Variants in SNAP23 observed in about 807,000 individuals in gnomAD.
SNAP23 encodes the protein synaptosome associated protein 23.
In SNAP23, 11 loss-of-function variants were observed where a neutral mutation model predicts 29.0. The observed-to-expected ratio is 0.38, with a 90% CI of 0.24 to 0.63. The LOEUF is 0.63. Ranked by LOEUF, SNAP23 falls within the 20% of genes least tolerant of loss-of-function variation. The pLI is 0.58. For synonymous variants in SNAP23, 60 were observed against 82.9 expected (o/e 0.72, Z 1.50); for missense variants, 220 against 253.9 (o/e 0.87, Z 0.91).
chr15:42,511,057 A>G (rs1169957653), intron 1 of SNAP23, among the ~76,000 whole-genome samples: 4 of 152,250 alleles, frequency 2.6e-5, no homozygotes, highest in East Asian at 1.9e-4. Flanking sequence ...CCGTTGCACA[A>G]TGCTTGTTAT....
rs34810333 is a variant in SNAP23, at chr15:42,512,969, G to A, written c.72G>A (p.Thr24=). ...HQITDESLES[T]RRILGLAIES... ...TTCTTTCCTAGTCTCTGGAAAGTAC[G>A]AGGAGAATCCTGGGTTTAGCCATTG... is the stretch of plus-strand genomic sequence containing the variant. Residue 24 remains threonine, a synonymous_variant, in exon 3 of 8, where the codon ACG becomes ACA. Coordinates refer to ENST00000249647, the MANE Select transcript of SNAP23 (RefSeq NM_003825.4). 3.7e-5 allele frequency: 59 copies of A among 1,611,750 alleles called. No individual in the cohort carries two copies. The African/African-American group carries it at 7.1e-4, about 19-fold the overall frequency.
Position 42,525,451 on chromosome 15 carries a change from CTTTTTTTTTTTTTTTT to C in SNAP23, c.267-2796_267-2781del, listed in dbSNP as rs1158969519. Among the ~76,000 whole-genome samples the C allele has an allele frequency of 2.3e-4, 11 of 47,194 alleles. No individual in the cohort carries two copies. In the East Asian group the frequency reaches 2.8e-3, roughly 12 times the overall value. The allele number at this position is 47,194 out of a possible 152,430, so 31.0% of individuals were successfully genotyped here. A position where few individuals can be genotyped will look rare whatever the true frequency, so the allele number is the denominator to read the frequency against. ...AGAACATCTTCAAAGATCCAGTCTT[CTTTTTTTTTTTTTTTT>C]TTTTTTTTTTTTTTGAGACGGAGTC... is the stretch of plus-strand genomic sequence containing the variant. On this transcript the variant is annotated intron_variant, in intron 5 of 7. Coordinates refer to ENST00000249647, the MANE Select transcript of SNAP23 (RefSeq NM_003825.4).
At chr15:42,527,204 C>G (rs1190068382) in intron 5 of SNAP23, among the ~76,000 whole-genome samples, 1 of 152,056 alleles carries the variant, frequency 6.6e-6, no homozygotes, top group Non-Finnish European at 1.5e-5. Flanking sequence ...TTATGAATGA[C>G]CGCTTGTGTG....
At position 42,528,308 on chromosome 15, in the gene SNAP23, G is replaced by C; in HGVS notation, c.313G>C (p.Asp105His). ...SGKAYKTTWGDGGENSPCNVV... is the reference protein window; with the variant it reads ...SGKAYKTTWGHGGENSPCNVV... ...CAAGGCTTATAAGACAACATGGGGA[G>C]ATGGTGGAGAAAACTCACCTTGCAA... is the stretch of plus-strand genomic sequence containing the variant. Residue 105 changes from aspartate (D) to histidine (H), a missense_variant, in exon 6 of 8, where the codon GAT (aspartate) becomes CAT (histidine). Coordinates refer to ENST00000249647, the MANE Select transcript of SNAP23 (RefSeq NM_003825.4). 1 of 1,614,122 alleles carries C rather than the reference G, an allele frequency of 6.2e-7. No individual in the cohort carries two copies. Among genetic ancestry groups the C allele is most frequent in the Non-Finnish European group, 8.5e-7 (1 of 1,180,004 alleles).
intron 1 of SNAP23, among the ~76,000 whole-genome samples, chr15:42,501,592 G>T (rs1228220936): frequency 1.3e-5 from 2 of 151,922 alleles, no homozygotes; most frequent in South Asian, 4.2e-4. Flanking sequence ...TTAATTTTGT[G>T]TAGAGATGGG....
chr15:42,513,332 GT>G, intron 3 of SNAP23, 66 bp from the exon 4 acceptor site: 2 of 1,378,608 alleles, frequency 1.5e-6, no homozygotes, highest in Non-Finnish European at 2.1e-6. Context: ...TGTTGCTCTT[GT>G]AGGTTTTGTT....
intron 5 of SNAP23, among the ~76,000 whole-genome samples, chr15:42,520,894 A>G (rs1311081796): frequency 1.3e-5 from 2 of 152,248 alleles, no homozygotes; most frequent in Non-Finnish European, 2.9e-5. Flanking sequence ...TTTCTGGACC[A>G]CTTACTAGAG....
chr15:42,514,860 C>A (rs1010073219), intron 4 of SNAP23, among the ~76,000 whole-genome samples: 2 of 152,012 alleles, frequency 1.3e-5, no homozygotes, highest in Non-Finnish European at 2.9e-5. Context: ...CATCACCACA[C>A]CCAGCTAATT....
chr15:42,491,689 C>G (rs2057165345), upstream of SNAP23: 3 of 152,146 alleles, frequency 2.0e-5, no homozygotes, highest in Non-Finnish European at 4.4e-5. Context: ...TGAATGCTGC[C>G]TATCACAGAG....
At chr15:42,495,313 G>A (rs2057207382), upstream of SNAP23, 1 of 152,180 alleles carries the variant, frequency 6.6e-6, no homozygotes, top group Admixed American at 6.5e-5. Flanking sequence ...ACTATAATTT[G>A]TTTACATATC....
chr15:42,511,047 C>A (rs2057354945), intron 1 of SNAP23, among the ~76,000 whole-genome samples: 1 of 152,194 alleles, frequency 6.6e-6, no homozygotes, highest in Admixed American at 6.5e-5. Flanking sequence ...GAACCTAGAT[C>A]CGTTGCACAA....
At chr15:42,515,402 C>T (rs778223062) in intron 5 of SNAP23, 48 bp downstream of exon 5, 2 of 1,040,090 alleles carry the variant, frequency 1.9e-6, no homozygotes, top group Non-Finnish European at 2.9e-6. Context: ...TGAGAGTACC[C>T]CACCTTCTCC....
intron 1 of SNAP23, among the ~76,000 whole-genome samples, chr15:42,510,201 T>A (rs999075650): frequency 6.6e-6 from 1 of 152,128 alleles, no homozygotes; most frequent in Non-Finnish European, 1.5e-5. Context: ...AGTGCCATGA[T>A]CTTGACTTAC....
chr15:42,524,167 A>G (rs1025958702), intron 5 of SNAP23, among the ~76,000 whole-genome samples: 8 of 152,084 alleles, frequency 5.3e-5, no homozygotes, highest in African/African-American at 1.9e-4. Flanking sequence ...TTCTAGATTA[A>G]TTATTTAGTG....
Sources: allele counts gnomAD v4.1 joint callset (sites outside exome capture counted in the v4.1 genomes callset), GRCh38; gene constraint gnomAD v4.1.1; transcripts MANE v1.5; gene names NCBI Gene and HGNC (gene_info 2026-07-23, HGNC 2026-07-21).